CTIF: variants seen among roughly 807,000 people sequenced by gnomAD.
CTIF encodes CBP80/20-dependent translation initiation factor.
Under a neutral mutation model 66.0 loss-of-function variants are expected in CTIF, and 21 were observed. The observed-to-expected ratio is 0.32, with a 90% CI of 0.23 to 0.46. The LOEUF is 0.46. CTIF is among the 20% of genes least tolerant of loss of function. The probability of loss-of-function intolerance (pLI) is 1.00; values close to 1 mark genes in which losing one functional copy is unlikely to be tolerated. For synonymous variants in CTIF, 345 were observed against 326.4 expected, an observed-to-expected ratio of 1.06 and a Z score of -0.62; for missense variants, 739 against 812.7, an observed-to-expected ratio of 0.91 and a Z score of 1.10.
chr18:48,734,701 C>T (rs985078430), intron 7 of CTIF, among the ~76,000 whole-genome samples: 5 of 152,184 alleles, frequency 3.3e-5, no homozygotes, highest in Admixed American at 2.0e-4. Flanking sequence ...CAGTGTTGAC[C>T]TCACCCACCT....
At chr18:48,559,357 C>T (rs940239347) in intron 1 of CTIF, among the ~76,000 whole-genome samples, 2 of 149,100 alleles carry the variant, frequency 1.3e-5, no homozygotes, top group African/African-American at 2.6e-5. Context: ...AGTCCTACCA[C>T]CCCCCCCAAT....
chr18:48,788,884 T>C (rs1051206299), intron 9 of CTIF, among the ~76,000 whole-genome samples: 1 of 152,184 alleles, frequency 6.6e-6, no homozygotes, highest in African/African-American at 2.4e-5. Flanking sequence ...AGAAAGGTAC[T>C]ATGACATCAG....
intron 7 of CTIF, among the ~76,000 whole-genome samples, chr18:48,724,146 G>A (rs1035328943): frequency 1.3e-5 from 2 of 152,166 alleles, no homozygotes; most frequent in Admixed American, 1.3e-4. Flanking sequence ...GCTGGATGGG[G>A]TTGCCCATTC....
At chr18:48,812,660 G>A (rs2068282309) in intron 9 of CTIF, among the ~76,000 whole-genome samples, 1 of 151,884 alleles carries the variant, frequency 6.6e-6, no homozygotes, top group African/African-American at 2.4e-5. Context: ...AAGCTGAGGT[G>A]GAAGGATCAC....
chr18:48,728,438 A>T (rs567051810), intron 7 of CTIF, among the ~76,000 whole-genome samples: 3 of 152,356 alleles, frequency 2.0e-5, no homozygotes, highest in Admixed American at 1.3e-4. Flanking sequence ...GCAGCTTAAA[A>T]TAAGCACTTA....
chr18:48,813,906 G>T (rs992779407), intron 9 of CTIF, among the ~76,000 whole-genome samples: 1 of 152,208 alleles, frequency 6.6e-6, no homozygotes, highest in African/African-American at 2.4e-5. Flanking sequence ...TAAGGGTGGT[G>T]CAGATGGGAG....
intron 9 of CTIF, among the ~76,000 whole-genome samples, chr18:48,809,023 TG>T (rs1252782748): frequency 6.6e-6 from 1 of 152,242 alleles, no homozygotes; most frequent in Non-Finnish European, 1.5e-5. Flanking sequence ...AGGAATTGTG[TG>T]TGTTTCTTCG....
chr18:48,833,351 G>A (rs759094561), intron 10 of CTIF, among the ~76,000 whole-genome samples: 2 of 152,188 alleles, frequency 1.3e-5, no homozygotes, highest in Admixed American at 6.5e-5. Flanking sequence ...AGCCGTGTGG[G>A]CTGCGAGTCT....
chr18:48,600,820 C>T (rs1375644217), intron 1 of CTIF, among the ~76,000 whole-genome samples: 1 of 152,108 alleles, frequency 6.6e-6, no homozygotes, highest in Non-Finnish European at 1.5e-5. Flanking sequence ...CCAGTTCTTC[C>T]CTTTCCCTGC....
At chr18:48,718,981 G>T (rs1295040143) in intron 7 of CTIF, among the ~76,000 whole-genome samples, 6 of 152,144 alleles carry the variant, frequency 3.9e-5, no homozygotes, top group African/African-American at 1.4e-4. Context: ...TTCTGGGCTG[G>T]TACCTGTTCT....
intron 1 of CTIF, among the ~76,000 whole-genome samples, chr18:48,585,987 G>C (rs550679136): frequency 6.6e-6 from 1 of 152,310 alleles, no homozygotes; most frequent in African/African-American, 2.4e-5. Context: ...TCTTGCTTCT[G>C]TGTGTTGTGA....
chr18:48,625,587 T>A (rs1320488840), intron 2 of CTIF, among the ~76,000 whole-genome samples: 1 of 152,180 alleles, frequency 6.6e-6, no homozygotes, highest in Non-Finnish European at 1.5e-5. Context: ...CTTGAAGAAA[T>A]ACAATATTGT....
intron 6 of CTIF, among the ~76,000 whole-genome samples, chr18:48,710,203 A>C (rs145512958): frequency 2.4e-4 from 36 of 152,328 alleles, no homozygotes; most frequent in Non-Finnish European, 4.4e-4. Flanking sequence ...CCACAGGACT[A>C]TGATCTCTAA....
At chr18:48,772,947 A>C in intron 9 of CTIF, among the ~76,000 whole-genome samples, 1 of 152,224 alleles carries the variant, frequency 6.6e-6, no homozygotes, top group East Asian at 1.9e-4. Context: ...TGGGGGAAAT[A>C]TCATGAACCA....
chr18:48,803,777 G>T (rs555227677), intron 9 of CTIF, among the ~76,000 whole-genome samples: 69 of 152,306 alleles, frequency 4.5e-4, no homozygotes, highest in African/African-American at 1.5e-3. Context: ...TTTGGGGAGG[G>T]GGGGCTCTGT....
chr18:48,827,482 A>C (rs1390712906), intron 10 of CTIF, among the ~76,000 whole-genome samples: 1 of 152,210 alleles, frequency 6.6e-6, no homozygotes, highest in African/African-American at 2.4e-5. Flanking sequence ...ATCCCGGCAG[A>C]GAGCAACTCC....
At chr18:48,818,295 C>T (rs771753845) in intron 10 of CTIF, among the ~76,000 whole-genome samples, 9 of 152,236 alleles carry the variant, frequency 5.9e-5, no homozygotes, top group Non-Finnish European at 1.2e-4. Context: ...GCGAAGAGCA[C>T]GTTTAGGCTC....
chr18:48,658,149 ATGTT>A (rs376461543), intron 3 of CTIF, among the ~76,000 whole-genome samples: 27 of 151,738 alleles, frequency 1.8e-4, no homozygotes, highest in African/African-American at 3.4e-4. Flanking sequence ...TGGTACATGT[ATGTT>A]TGTGTGTGAT....
At chr18:48,749,370 G>A (rs1907572706) in intron 7 of CTIF, among the ~76,000 whole-genome samples, 1 of 152,206 alleles carries the variant, frequency 6.6e-6, no homozygotes, top group Non-Finnish European at 1.5e-5. Context: ...CGGGATGATG[G>A]TAGTGAATGT....
Sources: allele counts gnomAD v4.1 joint callset (sites outside exome capture counted in the v4.1 genomes callset), GRCh38; gene constraint gnomAD v4.1.1; transcripts MANE v1.5; gene names NCBI Gene and HGNC (gene_info 2026-07-23, HGNC 2026-07-21).